The following PRH1 variants were observed in gnomAD, a reference collection of about 807,000 sequenced individuals.
PRH1 encodes proline rich protein HaeIII subfamily 1, also known as salivary acidic proline-rich phosphoprotein 1/2.
Under a neutral mutation model 7.9 loss-of-function variants are expected in PRH1, and 7 were observed. The observed-to-expected ratio is 0.89, with a 90% CI of 0.50 to 1.67. The LOEUF (loss-of-function observed/expected upper bound fraction) is 1.67, where lower values mean the gene tolerates loss of function less well. PRH1 is among the 40% of genes most tolerant of loss of function. PRH1 has a pLI of 0.00. For synonymous variants in PRH1, 45 were observed against 80.8 expected, an observed-to-expected ratio of 0.56 and a Z score of 2.38; for missense variants, 109 against 223.6, an observed-to-expected ratio of 0.49 and a Z score of 3.27.
chr12:11,036,103 C>T (rs1942424399), intron 1 of PRH1, among the ~76,000 whole-genome samples: 2 of 152,198 alleles, frequency 1.3e-5, no homozygotes, highest in Non-Finnish European at 2.9e-5. Context: ...CTGTGTTCGC[C>T]AGGATGGTCT....
At chr12:10,883,117 G>C (rs1209277221) in intron 1 of PRH1, 21 bp from the exon 2 acceptor site, 2 of 1,611,868 alleles carry the variant, frequency 1.2e-6, no homozygotes, top group Admixed American at 3.3e-5. Flanking sequence ...AGTACAGGAT[G>C]ATGGGAAAAG....
chr12:10,941,630 C>CAT (rs952094992), intron 2 of PRH1, among the ~76,000 whole-genome samples: 16 of 151,170 alleles, frequency 1.1e-4, no homozygotes, highest in Middle Eastern at 3.4e-3. Flanking sequence ...CTTCTTGTAT[C>CAT]ATATTTTTGG....
At chr12:11,022,271 T>TA (rs1163992776) in intron 1 of PRH1, 10 of 1,614,072 alleles carry the variant, frequency 6.2e-6, no homozygotes, top group African/African-American at 2.7e-5. Flanking sequence ...ATGCTGAGGC[T>TA]AGCAGCAAGC....
intron 1 of PRH1, chr12:10,986,090 A>G (rs982854724): frequency 1.2e-6 from 2 of 1,613,974 alleles, no homozygotes; most frequent in Non-Finnish European, 1.7e-6. Context: ...CAACCGGGTC[A>G]TTCCGCAGCC....
At chr12:10,955,564 A>G (rs943431655) in intron 2 of PRH1, among the ~76,000 whole-genome samples, 1 of 152,192 alleles carries the variant, frequency 6.6e-6, no homozygotes, top group Non-Finnish European at 1.5e-5. Context: ...AGCAAAAGAC[A>G]ATAAATAACC....
chr12:11,106,763 G>C (rs1945432497), intron 1 of PRH1, among the ~76,000 whole-genome samples: 1 of 152,158 alleles, frequency 6.6e-6, no homozygotes, highest in African/African-American at 2.4e-5. Flanking sequence ...CAGGAAAGCA[G>C]ATTTTCTGCT....
At position 11,089,462 on chromosome 12, in the gene PRH1, C is replaced by T. The variant is rs556205633; in HGVS notation, n.124-42274G>A. 6.8e-4 allele frequency among the ~76,000 whole-genome samples: 17 copies of T among 24,950 alleles called. 5 individuals carry two copies. Among genetic ancestry groups the T allele is most frequent in the African/African-American group, 1.1e-3 (17 of 15,208 alleles). 16.4% of individuals were successfully genotyped at this position (24,950 alleles called of 152,430 possible). On this transcript the variant is annotated intron_variant and non_coding_transcript_variant, in intron 1 of 4. Coordinates refer to the PRH1 transcript ENST00000541977. ...CCAAGTACACGCATCTGATGACCGT[C>T]ATGCTGTCTCTCTCACCTCACTGTG...
chr12:11,032,069 CTCAT>C (rs1942248832), intron 1 of PRH1, among the ~76,000 whole-genome samples: 2 of 152,212 alleles, frequency 1.3e-5, no homozygotes, highest in South Asian at 4.1e-4. Context: ...CTCAAATTAA[CTCAT>C]TCATTCACTG....
rs535349214 is a variant in PRH1, at chr12:10,970,048, T to C, written c.-59+3607A>G. ...AACTCCTGACCTCAGGTGATCTGCC[T>C]GTATCGGCCTCCCAAAGTGTTGGGA... On this transcript the variant is annotated intron_variant, in intron 2 of 3. Coordinates refer to the PRH1 transcript ENST00000539853. Among the ~76,000 whole-genome samples the C allele has an allele frequency of 7.9e-5, 12 of 152,280 alleles. No individual in the cohort carries two copies. The East Asian group carries it at 1.7e-3, about 22-fold the overall frequency.
At position 11,030,693 on chromosome 12, in the gene PRH1, C is replaced by T. The variant is rs555495305; in HGVS notation, c.-126+16327G>A. 27 of 1,614,190 alleles carry T rather than the reference C, an allele frequency of 1.7e-5. No homozygotes were observed. Among genetic ancestry groups the T allele is most frequent in the Middle Eastern group, 1.6e-4 (1 of 6,062 alleles). Reference sequence around the variant, plus strand: ...ACCTTGGTGCTGGGATCTTGAGATCCTTTACCATGGAGCTGCATCTTCTTG... The same window carrying T: ...ACCTTGGTGCTGGGATCTTGAGATCTTTTACCATGGAGCTGCATCTTCTTG... On this transcript the variant is annotated intron_variant, in intron 1 of 3. Coordinates refer to the PRH1 transcript ENST00000539853.
At chr12:11,096,804 T>C (rs1161332935) in intron 1 of PRH1, among the ~76,000 whole-genome samples, 1 of 115,064 alleles carries the variant, frequency 8.7e-6, no homozygotes, top group African/African-American at 2.9e-5. Context: ...TTTGTTGTTG[T>C]TGTTGTTGTT....
At chr12:10,930,439 C>T in intron 2 of PRH1, 5 of 1,463,380 alleles carry the variant, frequency 3.4e-6, no homozygotes, top group Non-Finnish European at 4.7e-6. Flanking sequence ...ACAGTTTTCT[C>T]CCAACCTTGA....
chr12:11,031,540 G>C (rs1012811715), intron 1 of PRH1: 1 of 576,184 alleles, frequency 1.7e-6, no homozygotes, highest in Non-Finnish European at 2.8e-6. Context: ...AGCTTCCACC[G>C]GGAGGAAGGC....
intron 1 of PRH1, among the ~76,000 whole-genome samples, chr12:11,068,409 T>C (rs1333365881): frequency 6.6e-6 from 1 of 152,248 alleles, no homozygotes; most frequent in Non-Finnish European, 1.5e-5. Context: ...CTCAAATTTG[T>C]TCATTTTCTT....
In PRH1 at chr12:11,104,303, C is replaced by T. The variant is rs1374585302; in HGVS notation, n.124-57115G>A. Among the ~76,000 whole-genome samples the T allele has an allele frequency of 3.3e-5, 5 of 151,760 alleles. No homozygotes were observed. The South Asian group carries it at 1.0e-3, about 32-fold the overall frequency. The stretch of plus-strand genomic sequence containing the variant: ...GACTATCCCAAATTGTTATGATGAT[C>T]ACTCATATGATGATCACTCATATGT... On this transcript the variant is annotated intron_variant and non_coding_transcript_variant, in intron 1 of 4. Transcript: ENST00000541977.
At chr12:11,033,968 C>A (rs1273354925) in intron 1 of PRH1, among the ~76,000 whole-genome samples, 2 of 150,986 alleles carry the variant, frequency 1.3e-5, no homozygotes, top group Non-Finnish European at 3.0e-5. Context: ...CTTTCCAAGT[C>A]CCTAAACCCT....
intron 1 of PRH1, among the ~76,000 whole-genome samples, chr12:11,140,046 A>T (rs867417438): frequency 6.6e-6 from 1 of 151,926 alleles, no homozygotes; most frequent in South Asian, 2.1e-4. Context: ...TTTCATATAC[A>T]TTTATTAATA....
rs1565725187 is a variant in PRH1, at chr12:11,168,257, AAAG to A, written n.39+3162_39+3164del. On this transcript the variant is annotated intron_variant and non_coding_transcript_variant, in intron 1 of 1. Coordinates refer to the PRH1 transcript ENST00000541175. Reference sequence around the variant, plus strand: ...GAAAGAAAGAAAGAAAGAAAGAAAGAAAGAAAGAAAGAAAGAAAGAAAGAAAGA... The same window carrying A: ...GAAAGAAAGAAAGAAAGAAAGAAAGAAAAGAAAGAAAGAAAGAAAGAAAGA... Among the ~76,000 whole-genome samples the A allele has an allele frequency of 2.4e-3, 108 of 45,734 alleles. 20 individuals are homozygous for A. In the East Asian group the frequency reaches 0.032, roughly 13 times the overall value. 30.0% of individuals were successfully genotyped at this position (45,734 alleles called of 152,430 possible).
In PRH1 at chr12:11,131,387, G is replaced by A. The variant is rs2218819; in HGVS notation, n.40-10207C>T. 3.0e-4 allele frequency among the ~76,000 whole-genome samples: 46 copies of A among 152,260 alleles called. No homozygotes were observed. The South Asian group carries it at 3.7e-3, about 12-fold the overall frequency. On this transcript the variant is annotated intron_variant and non_coding_transcript_variant, in intron 1 of 1. Coordinates refer to the PRH1 transcript ENST00000541175. ...TCGGTTCTTGTCTCAATTTCCACAT[G>A]TCCCTGCCATTTTTGTCTTGAATTG... is the stretch of plus-strand genomic sequence containing the variant.
Sources: allele counts gnomAD v4.1 joint callset (sites outside exome capture counted in the v4.1 genomes callset), GRCh38; gene constraint gnomAD v4.1.1; transcripts MANE v1.5; gene names NCBI Gene and HGNC (gene_info 2026-07-23, HGNC 2026-07-21).